LANCL3: variants seen among roughly 807,000 people sequenced by gnomAD.
LANCL3 encodes the protein LanC like family member 3.
A neutral mutation model predicts 26.5 loss-of-function variants in LANCL3; 19 were observed. The ratio of observed to expected loss-of-function variants is 0.72; its 90% CI spans 0.50 to 1.05. The LOEUF (loss-of-function observed/expected upper bound fraction) is 1.05, where lower values mean the gene tolerates loss of function less well. Ranked by LOEUF, LANCL3 falls within the 50% of genes least tolerant of loss-of-function variation. The pLI, the probability that LANCL3 is intolerant of heterozygous loss-of-function variation, is 0.00. For synonymous variants in LANCL3, 160 were observed against 166.6 expected (o/e 0.96, Z 0.30); for missense variants, 318 against 362.7 (o/e 0.88, Z 1.00).
At chrX:37,584,916 T>C (rs1924016357) in intron 1 of LANCL3, among the ~76,000 whole-genome samples, 1 of 112,159 alleles carries the variant, frequency 8.9e-6, no homozygotes, top group Non-Finnish European at 1.9e-5. Flanking sequence ...TCTTTCCTGC[T>C]TTCTCTTGTG....
chrX:37,580,439 A>G (rs371026800), intron 1 of LANCL3, among the ~76,000 whole-genome samples: 190 of 111,858 alleles, frequency 1.7e-3, no homozygotes, highest in African/African-American at 5.5e-3. Context: ...CAATCATTAT[A>G]TATATTTATG....
intron 4 of LANCL3, among the ~76,000 whole-genome samples, chrX:37,674,373 A>G (rs1444775883): frequency 1.8e-5 from 2 of 111,778 alleles, no homozygotes; most frequent in Non-Finnish European, 3.8e-5. Context: ...TAAATCCACT[A>G]TTGTACCTTG....
intron 1 of LANCL3, among the ~76,000 whole-genome samples, chrX:37,616,057 A>G (rs1924997708): frequency 2.7e-5 from 3 of 111,672 alleles, no homozygotes; most frequent in South Asian, 3.7e-4. Flanking sequence ...CCCATTCCCC[A>G]TTGTGTCCTA....
intron 1 of LANCL3, among the ~76,000 whole-genome samples, chrX:37,578,928 C>T (rs111402144): frequency 0.018 from 1,840 of 102,083 alleles, 60 homozygotes; most frequent in African/African-American, 0.064. Context: ...TGCGGTGAGC[C>T]GAGATTGCAC....
intron 1 of LANCL3, among the ~76,000 whole-genome samples, chrX:37,612,262 C>T (rs984278207): frequency 2.7e-5 from 3 of 111,796 alleles, no homozygotes; most frequent in Non-Finnish European, 5.6e-5. Flanking sequence ...ATTATTATTT[C>T]TAGTTCATAT....
intron 1 of LANCL3, among the ~76,000 whole-genome samples, chrX:37,595,027 C>G (rs1924387537): frequency 8.9e-6 from 1 of 112,002 alleles, no homozygotes; most frequent in South Asian, 3.7e-4. Flanking sequence ...TTCTCACAAG[C>G]CATTTTTATA....
intron 1 of LANCL3, among the ~76,000 whole-genome samples, chrX:37,597,187 A>C (rs1449373955): frequency 8.9e-6 from 1 of 112,314 alleles, no homozygotes; most frequent in Non-Finnish European, 1.9e-5. Context: ...TTTTATTGCC[A>C]AATAATATTC....
intron 1 of LANCL3, among the ~76,000 whole-genome samples, chrX:37,585,855 A>T (rs1176489970): frequency 2.7e-5 from 3 of 111,589 alleles, no homozygotes; most frequent in Middle Eastern, 4.6e-3. Context: ...TTAGCTGTTT[A>T]TTTTGCTCAT....
chrX:37,603,951 T>A (rs781983976), intron 1 of LANCL3, among the ~76,000 whole-genome samples: 7 of 112,477 alleles, frequency 6.2e-5, no homozygotes, highest in Non-Finnish European at 1.3e-4. Flanking sequence ...AAAATGAGGC[T>A]GCAATATTGA....
rs782355210 is a variant in LANCL3 at position 37,572,032 on chromosome X, G to T, written c.162G>T (p.Ala54=). 45 of 1,180,640 alleles carry T rather than the reference G, an allele frequency of 3.8e-5. No homozygotes were observed. The highest frequency in any genetic ancestry group is 4.9e-5 in the Non-Finnish European group (43 of 881,286). ...PLGGGAEARG[A]TAGASACQGG... ...GGGGCGGCGCGGAGGCCCGAGGGGC[G>T]ACGGCGGGGGCTAGCGCCTGCCAGG... Residue 54 remains alanine, a synonymous_variant, in exon 1 of 5, where the codon GCG becomes GCT. Coordinates refer to ENST00000378619, the MANE Select transcript of LANCL3 (RefSeq NM_001170331.2).
At chrX:37,582,104 A>C (rs1391175969) in intron 1 of LANCL3, among the ~76,000 whole-genome samples, 4 of 111,533 alleles carry the variant, frequency 3.6e-5, no homozygotes, top group African/African-American at 6.6e-5. Flanking sequence ...CTACAAAGGA[A>C]ATGAACTCAT....
chrX:37,634,485 T>A (rs1925646511), intron 1 of LANCL3, among the ~76,000 whole-genome samples: 1 of 112,830 alleles, frequency 8.9e-6, no homozygotes, highest in Admixed American at 9.3e-5. Context: ...CCTAGTGAGA[T>A]GAACCCGGTA....
intron 1 of LANCL3, among the ~76,000 whole-genome samples, chrX:37,584,091 T>G (rs1308058997): frequency 8.9e-6 from 1 of 111,882 alleles, no homozygotes; most frequent in Admixed American, 9.4e-5. Flanking sequence ...GGTTTTTGTC[T>G]TTGGTTCTGT....
chrX:37,582,386 T>C (rs1238062383), intron 1 of LANCL3, among the ~76,000 whole-genome samples: 1 of 112,192 alleles, frequency 8.9e-6, no homozygotes, highest in East Asian at 2.8e-4. Flanking sequence ...TGAACTTGTT[T>C]ACAGTCCCAC....
intron 1 of LANCL3, among the ~76,000 whole-genome samples, chrX:37,645,011 G>A (rs1925954461): frequency 2.7e-5 from 3 of 112,181 alleles, no homozygotes; most frequent in South Asian, 3.7e-4. Context: ...TGGGGCAAAC[G>A]TAATCCTGTT....
At chrX:37,577,435 C>A (rs1441736625) in intron 1 of LANCL3, among the ~76,000 whole-genome samples, 4 of 112,429 alleles carry the variant, frequency 3.6e-5, no homozygotes, top group Non-Finnish European at 7.5e-5. Flanking sequence ...TGATGAGAGT[C>A]AATGATATTT....
rs1471480603 is a variant in LANCL3, at chrX:37,680,144, A to G, written c.*4331A>G. 1 of 111,657 alleles carries G rather than the reference A, an allele frequency of 9.0e-6. No individual in the cohort carries two copies. Among genetic ancestry groups the G allele is most frequent in the Non-Finnish European group, 1.9e-5 (1 of 53,149 alleles). The allele number at this position is 111,657 out of a possible 1,213,427, so 9.2% of individuals were successfully genotyped here. On this transcript the variant is annotated 3_prime_UTR_variant, in exon 5 of 5. Coordinates refer to ENST00000378619, the MANE Select transcript of LANCL3 (RefSeq NM_001170331.2). ...CAGAAGGGCAGACAACCTCAAGGTCAGCAGCAACAGAAGTTGGGCCTAGTA... is the reference window on the plus strand; with the variant it reads ...CAGAAGGGCAGACAACCTCAAGGTCGGCAGCAACAGAAGTTGGGCCTAGTA...
At chrX:37,654,827 G>A (rs1926243690) in intron 1 of LANCL3, among the ~76,000 whole-genome samples, 1 of 112,120 alleles carries the variant, frequency 8.9e-6, no homozygotes, top group Admixed American at 9.5e-5. Context: ...TAGTGAGAGA[G>A]AAAGAGAGAG....
chrX:37,620,932 C>T (rs782116196), intron 1 of LANCL3, among the ~76,000 whole-genome samples: 3 of 111,602 alleles, frequency 2.7e-5, no homozygotes, highest in African/African-American at 9.8e-5. Flanking sequence ...CCCTCACCAT[C>T]GCATGCATGC....
Sources: allele counts gnomAD v4.1 joint callset (sites outside exome capture counted in the v4.1 genomes callset), GRCh38; gene constraint gnomAD v4.1.1; transcripts MANE v1.5; gene names NCBI Gene and HGNC (gene_info 2026-07-23, HGNC 2026-07-21).